The following TRPC4 variants were observed in gnomAD, a reference collection of about 807,000 sequenced individuals.
The protein encoded by TRPC4 is short transient receptor potential channel 4.
Under a neutral mutation model 99.4 loss-of-function variants are expected in TRPC4, and 49 were observed. That is an observed-to-expected ratio of 0.49 (90% CI 0.39 to 0.63). The LOEUF (loss-of-function observed/expected upper bound fraction) is 0.63. TRPC4 is among the 20% of genes least tolerant of loss of function. The pLI, the probability that TRPC4 is intolerant of heterozygous loss-of-function variation, is 0.00. For synonymous variants in TRPC4, 454 were observed against 425.9 expected, an observed-to-expected ratio of 1.07 and a Z score of -0.81; for missense variants, 898 against 1,152.9, an observed-to-expected ratio of 0.78 and a Z score of 3.20.
chr13:37,753,358 T>G (rs1227814310), intron 2 of TRPC4, among the ~76,000 whole-genome samples: 1 of 152,082 alleles, frequency 6.6e-6, no homozygotes, highest in Non-Finnish European at 1.5e-5. Flanking sequence ...TATAGAAGAA[T>G]TTAGCCAGGA....
At chr13:37,690,571 A>C (rs1391381444) in intron 4 of TRPC4, among the ~76,000 whole-genome samples, 1 of 152,238 alleles carries the variant, frequency 6.6e-6, no homozygotes, top group Non-Finnish European at 1.5e-5. Context: ...CTGGGATTAC[A>C]GGCATGAGTC....
At chr13:37,678,540 T>G (rs1206225765) in intron 4 of TRPC4, among the ~76,000 whole-genome samples, 3 of 152,032 alleles carry the variant, frequency 2.0e-5, no homozygotes, top group Non-Finnish European at 4.4e-5. Flanking sequence ...ACATAAACTT[T>G]AAAACTCACT....
intron 2 of TRPC4, among the ~76,000 whole-genome samples, chr13:37,767,146 A>G (rs1276625523): frequency 1.3e-5 from 2 of 151,318 alleles, no homozygotes; most frequent in African/African-American, 4.8e-5. Context: ...AGTGTATTTA[A>G]TAATTTCCTT....
intron 1 of TRPC4, among the ~76,000 whole-genome samples, chr13:37,825,148 T>G (rs1275222204): frequency 1.3e-5 from 2 of 152,136 alleles, no homozygotes; most frequent in Non-Finnish European, 2.9e-5. Context: ...TTGCATCTAT[T>G]TGATTCTTCT....
chr13:37,786,652 G>A (rs990619118), intron 1 of TRPC4, among the ~76,000 whole-genome samples: 1 of 151,974 alleles, frequency 6.6e-6, no homozygotes, highest in African/African-American at 2.4e-5. Context: ...GACCTATAAT[G>A]TCAAAATAAA....
At chr13:37,669,573 C>G (rs1217016839) in intron 5 of TRPC4, among the ~76,000 whole-genome samples, 2 of 152,138 alleles carry the variant, frequency 1.3e-5, no homozygotes, top group African/African-American at 4.8e-5. Flanking sequence ...TCTGTCTTTG[C>G]ACATTATAAT....
chr13:37,844,532 C>T (rs1467341403), intron 1 of TRPC4, among the ~76,000 whole-genome samples: 6 of 152,024 alleles, frequency 3.9e-5, no homozygotes, highest in Non-Finnish European at 5.9e-5. Context: ...TGACCTCAGG[C>T]GATTCACCTG....
At chr13:37,717,982 G>C (rs1282753515) in intron 3 of TRPC4, among the ~76,000 whole-genome samples, 1 of 152,128 alleles carries the variant, frequency 6.6e-6, no homozygotes. Flanking sequence ...TTGTTTGCTT[G>C]TATATAGCTA....
intron 1 of TRPC4, among the ~76,000 whole-genome samples, chr13:37,824,249 T>C (rs1958128091): frequency 1.3e-5 from 2 of 149,756 alleles, no homozygotes; most frequent in South Asian, 2.1e-4. Context: ...CTTTTCCTAA[T>C]TGAATACCCT....
At chr13:37,662,804 C>T (rs1437361857) in intron 6 of TRPC4, among the ~76,000 whole-genome samples, 1 of 152,184 alleles carries the variant, frequency 6.6e-6, no homozygotes, top group Non-Finnish European at 1.5e-5. Context: ...AAGCTGTGTG[C>T]TGTTAGCAAA....
At chr13:37,816,766 C>G (rs918781442) in intron 1 of TRPC4, among the ~76,000 whole-genome samples, 6 of 151,892 alleles carry the variant, frequency 4.0e-5, no homozygotes, top group Admixed American at 2.6e-4. Context: ...GAACTAAAGA[C>G]AAAAACCACA....
chr13:37,634,569 G>A lies in TRPC4; in HGVS notation c.*2334C>T, dbSNP rs904705494. On this transcript the variant is annotated 3_prime_UTR_variant, in exon 11 of 11. Coordinates refer to ENST00000379705, the MANE Select transcript of TRPC4 (RefSeq NM_016179.4). ...CCCCTGATATAAATAAGCTACTGGG[G>A]GAAAAAAGGTTTTGTTGCTTGTACT... Among the ~76,000 whole-genome samples, 5 of 151,896 alleles carry A rather than the reference G, an allele frequency of 3.3e-5. No individual in the cohort carries two copies. The highest frequency in any genetic ancestry group is 7.3e-5 in the African/African-American group (3 of 41,360).
At chr13:37,763,811 T>C (rs1956287558) in intron 2 of TRPC4, among the ~76,000 whole-genome samples, 1 of 151,700 alleles carries the variant, frequency 6.6e-6, no homozygotes. Context: ...TATGCGTGGG[T>C]GCTAGATAGA....
At chr13:37,842,235 A>C (rs1457167044) in intron 1 of TRPC4, among the ~76,000 whole-genome samples, 3 of 131,160 alleles carry the variant, frequency 2.3e-5, no homozygotes, top group East Asian at 4.5e-4. Context: ...TCGCCACTGC[A>C]CTCCAGCCTA....
At chr13:37,671,322 C>G (rs146918669) in intron 5 of TRPC4, among the ~76,000 whole-genome samples, 1 of 152,220 alleles carries the variant, frequency 6.6e-6, no homozygotes, top group African/African-American at 2.4e-5. Context: ...ATCAGAAAAT[C>G]AGAGTGACAT....
intron 4 of TRPC4, among the ~76,000 whole-genome samples, chr13:37,683,916 T>C (rs1953353994): frequency 6.6e-6 from 1 of 152,152 alleles, no homozygotes; most frequent in Non-Finnish European, 1.5e-5. Context: ...TTAAATAACT[T>C]GAAATTTCAG....
rs552973977 is a variant in TRPC4 at position 37,861,276 on chromosome 13, A to T, written c.-28+8319T>A. 1.8e-4 allele frequency among the ~76,000 whole-genome samples: 28 copies of T among 151,676 alleles called. No homozygotes were observed. In the East Asian group the frequency reaches 5.0e-3, roughly 27 times the overall value. On this transcript the variant is annotated intron_variant, in intron 1 of 10. Transcript: ENST00000379705. ...TGTAGATATTTACATTTTTAAAAAAATCAGAGGCTAAAATGTTTAATTTAA... is the reference window on the plus strand; with the variant it reads ...TGTAGATATTTACATTTTTAAAAAATTCAGAGGCTAAAATGTTTAATTTAA...
chr13:37,831,713 G>C (rs949793063), intron 1 of TRPC4, among the ~76,000 whole-genome samples: 2 of 152,198 alleles, frequency 1.3e-5, no homozygotes, highest in African/African-American at 2.4e-5. Context: ...TTATAAAAAG[G>C]TAAATCTTGT....
At chr13:37,759,297 C>G (rs910392872) in intron 2 of TRPC4, among the ~76,000 whole-genome samples, 2 of 151,720 alleles carry the variant, frequency 1.3e-5, no homozygotes, top group Non-Finnish European at 2.9e-5. Flanking sequence ...ATGTAAAAAA[C>G]AAAAGGCAAC....
Sources: allele counts gnomAD v4.1 joint callset (sites outside exome capture counted in the v4.1 genomes callset), GRCh38; gene constraint gnomAD v4.1.1; transcripts MANE v1.5; gene names NCBI Gene and HGNC (gene_info 2026-07-23, HGNC 2026-07-21).